The following AK9 variants were observed in gnomAD, a reference collection of about 807,000 sequenced individuals.
The protein encoded by AK9 is adenylate kinase domain containing 1.
A neutral mutation model predicts 239.6 loss-of-function variants in AK9; 191 were observed. The ratio of observed to expected loss-of-function variants is 0.80; its 90% confidence interval spans 0.71 to 0.90. The LOEUF is 0.90. Among genes scored for constraint, AK9 ranks in the 40% least tolerant of loss-of-function variants. AK9 has a pLI of 0.00. For missense variants in AK9, 1,995 were observed against 2,214.7 expected (o/e 0.90, Z 1.99); for synonymous variants, 689 against 721.0 (o/e 0.96, Z 0.71).
chr6:109,653,429 A>C (rs1208675918), intron 8 of AK9, among the ~76,000 whole-genome samples: 1 of 152,206 alleles, frequency 6.6e-6, no homozygotes, highest in East Asian at 1.9e-4. Context: ...GGTGAGGTTC[A>C]GCATTCAGAT....
intron 17 of AK9, among the ~76,000 whole-genome samples, chr6:109,600,048 T>C (rs1374626371): frequency 1.3e-5 from 2 of 152,230 alleles, no homozygotes; most frequent in Admixed American, 1.3e-4. Context: ...TTTCCTCTTT[T>C]CCTAATTGAA....
At chr6:109,629,682 G>C (rs1223483416) in intron 12 of AK9, among the ~76,000 whole-genome samples, 1 of 151,640 alleles carries the variant, frequency 6.6e-6, no homozygotes, top group African/African-American at 2.4e-5. Context: ...ACCCAGGCTG[G>C]AGTGCAGCGG....
chr6:109,622,143 T>C (rs960986080), intron 12 of AK9, among the ~76,000 whole-genome samples: 1 of 146,256 alleles, frequency 6.8e-6, no homozygotes, highest in Admixed American at 7.0e-5. Flanking sequence ...GTATATATTT[T>C]ATACATTATA....
chr6:109,558,855 A>G (rs938779230), intron 24 of AK9, among the ~76,000 whole-genome samples: 5 of 123,678 alleles, frequency 4.0e-5, no homozygotes, highest in African/African-American at 1.6e-4. Context: ...ACCTATGAAC[A>G]TGGTATATTT....
In AK9 at chr6:109,495,427, A is replaced by T. The variant is rs767542340; in HGVS notation, c.5329T>A (p.Tyr1777Asn). ...LQKFLRSPLK[Y>N]WEQKLPHKLP... is the part of the protein sequence containing the mutation. ...TTGTGTGGAAGCTTCTGTTCCCAGTATTTCAGTGGCGACCTAAGAACACAA... is the reference window on the plus strand; with the variant it reads ...TTGTGTGGAAGCTTCTGTTCCCAGTTTTTCAGTGGCGACCTAAGAACACAA... Residue 1777 changes from tyrosine (Y) to asparagine (N), a missense_variant, in exon 39 of 41, where the codon TAC becomes AAC. Transcript: ENST00000424296. The T allele has an allele frequency of 8.7e-6, 14 of 1,613,004 alleles. No homozygotes were observed. The South Asian group carries it at 1.3e-4, about 15-fold the overall frequency.
At chr6:109,567,882 TAA>T (rs71018349) in intron 21 of AK9, among the ~76,000 whole-genome samples, 4,167 of 132,576 alleles carry the variant, frequency 0.031, 93 homozygotes, top group East Asian at 0.12. Flanking sequence ...TAAAGTAAAA[TAA>T]AAAAAAAAAA....
Position 109,691,071 on chromosome 6 carries a change from A to G in AK9, c.-12+76T>C, listed in dbSNP as rs4947012. 0.045 allele frequency: 14,547 copies of G among 320,516 alleles called. 445 individuals are homozygous for G. Among genetic ancestry groups the G allele is most frequent in the Admixed American group, 0.079 (1,883 of 23,732 alleles). 19.9% of individuals were successfully genotyped at this position (320,516 alleles called of 1,614,324 possible). A position where few individuals can be genotyped will look rare whatever the true frequency, so the allele number is the denominator to read the frequency against. The stretch of plus-strand genomic sequence containing the variant: ...AATCCCAAACCTTCCGCTTTTTTCC[A>G]AAGAGAGGGAGGAGATAAATAGACT... On this transcript the variant is annotated intron_variant, in intron 1 of 40. Transcript: ENST00000424296.
intron 17 of AK9, 91 bp downstream of exon 17, chr6:109,610,274 A>G: frequency 7.0e-7 from 1 of 1,421,900 alleles, no homozygotes; most frequent in Non-Finnish European, 9.5e-7. Flanking sequence ...TCAACATCAT[A>G]AGACTCTAAA....
chr6:109,634,669 T>G (rs1392408165), intron 10 of AK9, among the ~76,000 whole-genome samples: 1 of 152,132 alleles, frequency 6.6e-6, no homozygotes, highest in Non-Finnish European at 1.5e-5. Context: ...TAGTAAATAT[T>G]AAGGAAACTG....
In AK9 at chr6:109,514,245, G is replaced by A. The variant is rs569268062; in HGVS notation, c.4258C>T (p.Pro1420Ser). Residue 1420 changes from proline to serine, a missense_variant, in exon 32 of 41, where the codon CCA becomes TCA. Physicochemically the swap from Pro to Ser is moderately conservative, Grantham distance 74. This residue lies in a region of AK9 where 1,290 missense variants were observed against 1,392.7 expected (regional missense o/e 0.93). Transcript: ENST00000424296. ...TCACCTGTAGTTTTCCCAGATTTTGGAGGCCCCACAATTATAATCCTAATG... is the reference window on the plus strand; with the variant it reads ...TCACCTGTAGTTTTCCCAGATTTTGAAGGCCCCACAATTATAATCCTAATG... ...VPIRIIIVGP[P>S]KSGKTTVAKK... 1.3e-6 allele frequency: 2 copies of A among 1,551,012 alleles called. No homozygotes were observed. Among genetic ancestry groups the A allele is most frequent in the East Asian group, 2.4e-5 (1 of 40,922 alleles).
At chr6:109,679,660 G>A (rs746583026) in intron 1 of AK9, among the ~76,000 whole-genome samples, 27 of 152,172 alleles carry the variant, frequency 1.8e-4, no homozygotes, top group Non-Finnish European at 3.2e-4. Flanking sequence ...TCCTGACTGG[G>A]AGACACCTCC....
chr6:109,545,941 C>G lies in AK9; in HGVS notation c.3151G>C (p.Ala1051Pro). 6.2e-7 allele frequency: 1 copy of G among 1,614,162 alleles called. No individual in the cohort carries two copies. Among genetic ancestry groups the G allele is most frequent in the Non-Finnish European group, 8.5e-7 (1 of 1,180,022 alleles). ...EFEEDSENEQ[A>P]AKQELEELAI... ...AGCTCTTCAAGTTCTTGTTTGGCAG[C>G]TTGCTCGTTCTCAGAATCTTCCTCA... The change falls in exon 26 of 41, where the codon GCT becomes CCT. Residue 1051 changes from alanine (A) to proline (P), a missense_variant. This residue lies in a region of AK9 where 1,290 missense variants were observed against 1,392.7 expected (regional missense o/e 0.93). Coordinates refer to ENST00000424296, the MANE Select transcript of AK9 (RefSeq NM_001145128.3).
chr6:109,533,991 T>C (rs2128136399), intron 27 of AK9, among the ~76,000 whole-genome samples: 1 of 152,196 alleles, frequency 6.6e-6, no homozygotes, highest in African/African-American at 2.4e-5. Flanking sequence ...CCCTCACCTT[T>C]GGCAGTTTTT....
intron 36 of AK9, among the ~76,000 whole-genome samples, 193 bp downstream of exon 36, chr6:109,498,851 A>G (rs1310936359): frequency 2.6e-5 from 4 of 152,232 alleles, no homozygotes; most frequent in Admixed American, 6.5e-5. Context: ...GACTCCTGCA[A>G]TGTTTCAAAT....
Position 109,672,103 on chromosome 6 carries a change from A to T in AK9, c.234+12T>A. The T allele has an allele frequency of 6.2e-7, 1 of 1,613,336 alleles. No homozygotes were observed. The highest frequency in any genetic ancestry group is 8.5e-7 in the Non-Finnish European group (1 of 1,179,620). On this transcript the variant is annotated intron_variant, in intron 4 of 40. Transcript: ENST00000424296. Reference sequence around the variant, plus strand: ...TGTAATCATAGTTACTTTGAAATTTAGGTTTGTTTACCATAACTCCTGATT... The same window carrying T: ...TGTAATCATAGTTACTTTGAAATTTTGGTTTGTTTACCATAACTCCTGATT...
chr6:109,643,725 CTA>C (rs1562539126), intron 9 of AK9, among the ~76,000 whole-genome samples: 1 of 152,168 alleles, frequency 6.6e-6, no homozygotes, highest in East Asian at 1.9e-4. Flanking sequence ...AGTCTTGGCT[CTA>C]TTCCACCCCT....
intron 29 of AK9, among the ~76,000 whole-genome samples, chr6:109,523,801 C>A (rs77339217): frequency 6.6e-6 from 1 of 152,018 alleles, no homozygotes; most frequent in South Asian, 2.1e-4. Context: ...TACATATGGG[C>A]GGTTCAAGAA....
intron 16 of AK9, 97 bp from the exon 17 acceptor site, chr6:109,610,610 A>C: frequency 7.7e-7 from 1 of 1,292,872 alleles, no homozygotes; most frequent in Non-Finnish European, 1.1e-6. Context: ...GACCCAAGAA[A>C]GTATTATTTT....
rs1341381918 is a variant in AK9 at position 109,554,594 on chromosome 6, T to C, written c.2752-4292A>G. ...TAGCCCAGGATGGAGTGCAATGGTG[T>C]GATCTCTGCTCACTGCAACCTCCAC... On this transcript the variant is annotated intron_variant, in intron 24 of 40. Transcript: ENST00000424296. Among the ~76,000 whole-genome samples the C allele has an allele frequency of 6.1e-5, 9 of 147,004 alleles. No homozygotes were observed. In the South Asian group the frequency reaches 1.9e-3, roughly 32 times the overall value.
Sources: allele counts gnomAD v4.1 joint callset (sites outside exome capture counted in the v4.1 genomes callset), GRCh38; gene constraint gnomAD v4.1.1; regional missense constraint gnomAD v4.1.1; transcripts MANE v1.5; gene names NCBI Gene and HGNC (gene_info 2026-07-23, HGNC 2026-07-21).